Variants in ITGA9 observed in about 807,000 individuals in gnomAD.
ITGA9 encodes the protein integrin alpha-9.
In ITGA9, 56 loss-of-function variants were observed where a neutral mutation model predicts 127.8. That is an observed-to-expected ratio of 0.44 (90% CI 0.35 to 0.55). ITGA9 has a LOEUF of 0.55. Among genes scored for constraint, ITGA9 ranks in the 20% least tolerant of loss-of-function variants. The pLI, the probability that ITGA9 is intolerant of heterozygous loss-of-function variation, is 0.00. For synonymous variants in ITGA9, 508 were observed against 514.5 expected (o/e 0.99, Z 0.17); for missense variants, 1,196 against 1,347.1 (o/e 0.89, Z 1.76).
intron 23 of ITGA9, among the ~76,000 whole-genome samples, chr3:37,764,466 T>TA (rs10694316): frequency 0.33 from 24,362 of 74,506 alleles, 5,080 homozygotes; most frequent in East Asian, 0.63. Flanking sequence ...AGATTCTCAG[T>TA]AAAAAAAAAA....
At chr3:37,526,203 C>A in intron 13 of ITGA9, 132 bp downstream of exon 13, 1 of 789,134 alleles carries the variant, frequency 1.3e-6, no homozygotes, top group Non-Finnish European at 2.2e-6. Context: ...GAAATGCTAC[C>A]TTATTTTCTC....
In ITGA9 at chr3:37,694,087, T is replaced by G. The variant is rs566519026; in HGVS notation, c.2067+10072T>G. Among the ~76,000 whole-genome samples, 4 of 152,342 alleles carry G rather than the reference T, an allele frequency of 2.6e-5. No homozygotes were observed. The South Asian group carries it at 8.3e-4, about 32-fold the overall frequency. On this transcript the variant is annotated intron_variant, in intron 18 of 27. Coordinates refer to ENST00000264741, the MANE Select transcript of ITGA9 (RefSeq NM_002207.3). ...CCAGTGCCCCAAGCCCCCTGGTGAC[T>G]TTACCTTGAACTTCCTGTATAACGC...
At position 37,452,636 on chromosome 3, in the gene ITGA9, T is replaced by C; in HGVS notation, c.185+77T>C. 2.3e-6 allele frequency: 3 copies of C among 1,277,904 alleles called. No individual in the cohort carries two copies. The highest frequency in any genetic ancestry group is 3.2e-5 in the East Asian group (1 of 30,876). 79.2% of individuals were successfully genotyped at this position (1,277,904 alleles called of 1,614,324 possible). ...CCCCCAGGCCAGCGCCGCCGCCGCC[T>C]TTCCGGTCTCTTCCACGCCGCCGTC... On this transcript the variant is annotated intron_variant, in intron 1 of 27. Coordinates refer to ENST00000264741, the MANE Select transcript of ITGA9 (RefSeq NM_002207.3). The surrounding 1 kb of genome is among the most constrained non-coding windows in gnomAD (Gnocchi z 7.3).
chr3:37,562,801 A>G (rs1235467645), intron 15 of ITGA9, among the ~76,000 whole-genome samples: 1 of 152,126 alleles, frequency 6.6e-6, no homozygotes, highest in Non-Finnish European at 1.5e-5. Context: ...GCTGTGTTGG[A>G]GAAATGTGGC....
chr3:37,737,453 T>C (rs1168161484), intron 20 of ITGA9, among the ~76,000 whole-genome samples: 1 of 152,196 alleles, frequency 6.6e-6, no homozygotes, highest in Non-Finnish European at 1.5e-5. Flanking sequence ...CCCCAAGAGA[T>C]GCTACTCAAG....
intron 4 of ITGA9, among the ~76,000 whole-genome samples, chr3:37,487,421 G>A (rs758504666): frequency 6.6e-6 from 1 of 152,188 alleles, no homozygotes; most frequent in Non-Finnish European, 1.5e-5. Flanking sequence ...TTGGAGCCAA[G>A]AATTTTAATC....
In ITGA9 at chr3:37,481,485, C is replaced by T; in HGVS notation, c.422C>T (p.Ala141Val). The change falls in exon 4 of 28, where the codon GCC becomes GTC. Residue 141 changes from alanine to valine, a missense_variant and splice_region_variant. Physicochemically the swap from Ala to Val is moderately conservative, Grantham distance 64. Coordinates refer to ENST00000264741, the MANE Select transcript of ITGA9 (RefSeq NM_002207.3). ...RQPKADGRVLACAHRWKNIYY... is the reference protein window; with the variant it reads ...RQPKADGRVLVCAHRWKNIYY... ...CTCAACTGCTCTCTATCCCTTTAGGCCTGTGCTCATCGCTGGAAGAACATC... is the reference window on the plus strand; with the variant it reads ...CTCAACTGCTCTCTATCCCTTTAGGTCTGTGCTCATCGCTGGAAGAACATC... 1 of 1,614,212 alleles carries T rather than the reference C, an allele frequency of 6.2e-7. No individual in the cohort carries two copies. The highest frequency in any genetic ancestry group is 8.5e-7 in the Non-Finnish European group (1 of 1,180,034).
At chr3:37,750,674 T>A in intron 23 of ITGA9, 105 bp downstream of exon 23, 1 of 822,406 alleles carries the variant, frequency 1.2e-6, no homozygotes, top group South Asian at 1.4e-5. Context: ...TTTGGAAAAT[T>A]CAACTCATTC....
chr3:37,487,672 CTG>C (rs1481129606), intron 4 of ITGA9, among the ~76,000 whole-genome samples: 1 of 152,060 alleles, frequency 6.6e-6, no homozygotes, highest in African/African-American at 2.4e-5. Flanking sequence ...GATGAGAAAA[CTG>C]AGGCCCAGGG....
In ITGA9 at chr3:37,455,527, G is replaced by A. The variant is rs536118453; in HGVS notation, c.185+2968G>A. On this transcript the variant is annotated intron_variant, in intron 1 of 27. Coordinates refer to ENST00000264741, the MANE Select transcript of ITGA9 (RefSeq NM_002207.3). Reference sequence around the variant, plus strand: ...AAGAGTATAGAACCTACATGGGGGTGACTTAAAAGGATCACAAATACTCGT... The same window carrying A: ...AAGAGTATAGAACCTACATGGGGGTAACTTAAAAGGATCACAAATACTCGT... 2.6e-5 allele frequency among the ~76,000 whole-genome samples: 4 copies of A among 152,200 alleles called. No individual in the cohort carries two copies. In the East Asian group the frequency reaches 7.7e-4, roughly 29 times the overall value.
chr3:37,774,319 G>A (rs116342018), intron 23 of ITGA9, among the ~76,000 whole-genome samples: 41 of 152,134 alleles, frequency 2.7e-4, no homozygotes, highest in Middle Eastern at 3.4e-3. Flanking sequence ...TTTCCCTCTC[G>A]TGACCTCTAA....
intron 26 of ITGA9, among the ~76,000 whole-genome samples, chr3:37,791,792 G>A (rs1441726376): frequency 6.6e-6 from 1 of 152,064 alleles, no homozygotes; most frequent in East Asian, 1.9e-4. Context: ...TGCAAGCCTG[G>A]TATCTCAACC....
At chr3:37,754,603 G>A (rs1027410631) in intron 23 of ITGA9, among the ~76,000 whole-genome samples, 4 of 152,186 alleles carry the variant, frequency 2.6e-5, no homozygotes, top group African/African-American at 9.7e-5. Context: ...TTTCCAGGAG[G>A]TAAAATTGTA....
rs111508624 is a variant in ITGA9, at chr3:37,629,588, G to A, written c.1839+252G>A. ...GGCTGTTAGAAGTTACAATCCCCTCGAGTTCGTGAACTGGCTGGCCACTTG... is the reference window on the plus strand; with the variant it reads ...GGCTGTTAGAAGTTACAATCCCCTCAAGTTCGTGAACTGGCTGGCCACTTG... On this transcript the variant is annotated intron_variant, in intron 16 of 27. Coordinates refer to ENST00000264741, the MANE Select transcript of ITGA9 (RefSeq NM_002207.3). This position sits in a 1 kb window ranked among gnomAD's most constrained non-coding sequence, Gnocchi z 4.5. The A allele has an allele frequency of 1.1e-5, 7 of 614,160 alleles. No individual in the cohort carries two copies. The highest frequency in any genetic ancestry group is 8.2e-5 in the East Asian group (3 of 36,588). 38.0% of individuals were successfully genotyped at this position (614,160 alleles called of 1,614,324 possible).
At chr3:37,603,188 C>T (rs1183626709) in intron 15 of ITGA9, among the ~76,000 whole-genome samples, 1 of 152,110 alleles carries the variant, frequency 6.6e-6, no homozygotes, top group Non-Finnish European at 1.5e-5. Flanking sequence ...ACAGTCTGCC[C>T]TTTGTACTCA....
intron 18 of ITGA9, among the ~76,000 whole-genome samples, chr3:37,727,113 T>G (rs1324258072): frequency 6.6e-6 from 1 of 152,236 alleles, no homozygotes; most frequent in African/African-American, 2.4e-5. Flanking sequence ...TTGTTTACCC[T>G]GGTGATGATG....
rs139498500 is a variant in ITGA9 at position 37,533,477 on chromosome 3, C to A, written c.1528+9C>A. On this transcript the variant is annotated intron_variant, in intron 14 of 27. Coordinates refer to ENST00000264741, the MANE Select transcript of ITGA9 (RefSeq NM_002207.3). Reference sequence around the variant, plus strand: ...CGTTCCAGGAGAGATTGGTAATGAGCCACCAAGTCAGGGCTCAGGATACCC... The same window carrying A: ...CGTTCCAGGAGAGATTGGTAATGAGACACCAAGTCAGGGCTCAGGATACCC... 192 of 1,613,728 alleles carry A rather than the reference C, an allele frequency of 1.2e-4. 2 individuals are homozygous for A. The East Asian group carries it at 3.1e-3, about 26-fold the overall frequency.
chr3:37,708,114 G>A (rs1701027703), intron 18 of ITGA9, among the ~76,000 whole-genome samples: 2 of 152,106 alleles, frequency 1.3e-5, no homozygotes, highest in Admixed American at 6.5e-5. Context: ...TTTCAGTTCT[G>A]GGCCAGGCTC....
At chr3:37,701,845 T>C (rs762774421) in intron 18 of ITGA9, among the ~76,000 whole-genome samples, 4 of 152,100 alleles carry the variant, frequency 2.6e-5, no homozygotes, top group Non-Finnish European at 5.9e-5. Context: ...AAATACAGAA[T>C]ACAGAGCAGC....
Sources: gnomAD v4.1 joint callset for allele counts (sites outside exome capture counted in the v4.1 genomes callset) on GRCh38, gnomAD v4.1.1 for gene constraint, Gnocchi (gnomAD v3.1) non-coding constraint, MANE v1.5 for transcripts, NCBI Gene and HGNC (gene_info 2026-07-23, HGNC 2026-07-21) for gene names.